The following NPC1 variants were observed in gnomAD, a reference collection of about 807,000 sequenced individuals.
NPC1 encodes the protein Niemann-Pick C1 protein.
In NPC1, 85 loss-of-function variants were observed where a neutral mutation model predicts 140.4. The observed-to-expected ratio is 0.61, with a 90% CI of 0.51 to 0.72. The LOEUF (loss-of-function observed/expected upper bound fraction) is 0.72, where lower values mean the gene tolerates loss of function less well. Ranked by LOEUF, NPC1 falls within the 30% of genes least tolerant of loss-of-function variation. NPC1 has a pLI of 0.00. For missense variants in NPC1, 1,504 were observed against 1,623.8 expected (o/e 0.93, Z 1.27); for synonymous variants, 656 against 624.8 (o/e 1.05, Z -0.74).
chr18:23,530,486 A>G, downstream of NPC1: 2 of 1,614,106 alleles, frequency 1.2e-6, no homozygotes, highest in Middle Eastern at 3.3e-4. Context: ...TGGCCATGAC[A>G]ACATTTCTGC....
intron 10 of NPC1, among the ~76,000 whole-genome samples, chr18:23,550,475 A>ATTTATTTTTTTTTTTT (rs1491268509): frequency 1.9e-5 from 1 of 53,502 alleles, no homozygotes; most frequent in East Asian, 1.0e-3. Flanking sequence ...CAGTTCTTAC[A>ATTTATTTTTTTTTTTT]TTTCTTTTTT....
chr18:23,555,201 C>G (rs1305654030), intron 8 of NPC1, among the ~76,000 whole-genome samples: 2 of 152,206 alleles, frequency 1.3e-5, no homozygotes, highest in Non-Finnish European at 2.9e-5. Context: ...TCCACAGAGG[C>G]GGCGAGGGGT....
rs766131698 is a variant in NPC1 at position 23,543,439 on chromosome 18, T to C, written c.2245+16A>G. The C allele has an allele frequency of 2.8e-6, 4 of 1,445,190 alleles. No individual in the cohort carries two copies. The Admixed American group carries it at 6.7e-5, about 24-fold the overall frequency. 89.5% of individuals were successfully genotyped at this position (1,445,190 alleles called of 1,614,324 possible). ...TCAGCAGACTACAGGACTGGTAGGATTGAAAGCATAATTACCTAAGAAAAA... is the reference window on the plus strand; with the variant it reads ...TCAGCAGACTACAGGACTGGTAGGACTGAAAGCATAATTACCTAAGAAAAA... On this transcript the variant is annotated intron_variant, in intron 14 of 24. Transcript: ENST00000269228.
intron 9 of NPC1, among the ~76,000 whole-genome samples, chr18:23,553,365 G>A (rs150748791): frequency 1.3e-5 from 2 of 152,286 alleles, no homozygotes; most frequent in African/African-American, 2.4e-5. Flanking sequence ...CTACCCTGTG[G>A]AGAATGCCGG....
chr18:23,579,567 G>A (rs1168134398), intron 1 of NPC1, among the ~76,000 whole-genome samples: 30 of 152,182 alleles, frequency 2.0e-4, no homozygotes, highest in Admixed American at 1.8e-3. Context: ...TTCTTTCAAC[G>A]ATAGGAACAG....
chr18:23,554,039 C>T (rs1208949541), intron 9 of NPC1, among the ~76,000 whole-genome samples: 2 of 152,120 alleles, frequency 1.3e-5, no homozygotes, highest in African/African-American at 4.8e-5. Flanking sequence ...GTTAGCGACC[C>T]AGGCACGAGG....
intron 4 of NPC1, among the ~76,000 whole-genome samples, chr18:23,565,415 G>A (rs1415016620): frequency 1.3e-5 from 2 of 152,134 alleles, no homozygotes; most frequent in Non-Finnish European, 2.9e-5. Context: ...GGAGTGCAGT[G>A]GCACAATTTC....
intron 10 of NPC1, among the ~76,000 whole-genome samples, chr18:23,550,484 T>C (rs1321101938): frequency 2.0e-5 from 2 of 100,890 alleles, no homozygotes; most frequent in Non-Finnish European, 3.8e-5. Flanking sequence ...CATTTCTTTT[T>C]TTTTTTTTTT....
chr18:23,548,616 A>C (rs1192270171), intron 10 of NPC1, among the ~76,000 whole-genome samples: 1 of 152,200 alleles, frequency 6.6e-6, no homozygotes, highest in African/African-American at 2.4e-5. Flanking sequence ...AGACTGCTCC[A>C]TAAAGAGTTT....
chr18:23,539,831 G>C lies in NPC1; in HGVS notation c.2775C>G (p.Asn925Lys), dbSNP rs147419225. The change falls in exon 18 of 25, where the codon AAC (asparagine) becomes AAG (lysine). Residue 925 changes from asparagine to lysine, a missense_variant. Coordinates refer to ENST00000269228, the MANE Select transcript of NPC1 (RefSeq NM_000271.5). Reference protein sequence around the residue: ...NNDSLVQQIFNAAQLDNYTRI... With the variant: ...NNDSLVQQIFKAAQLDNYTRI... The stretch of plus-strand genomic sequence containing the variant: ...CTGACTAGTTGTCCAGCTGCGCCGC[G>C]TTAAATATCTGCTGCACCAGGGAAT... 1 of 1,614,156 alleles carries C rather than the reference G, an allele frequency of 6.2e-7. No individual in the cohort carries two copies. Among genetic ancestry groups the C allele is most frequent in the Non-Finnish European group, 8.5e-7 (1 of 1,180,032 alleles).
At chr18:23,571,231 TTAAAAAAAAAAAAAAACTGGC>T (rs796450444) in intron 3 of NPC1, among the ~76,000 whole-genome samples, 1,391 of 71,156 alleles carry the variant, frequency 0.02, 26 homozygotes, top group African/African-American at 0.12. Context: ...AAAACTGACT[TTAAAAAAAAAAAAAAACTGGC>T]TGGGAACTGT....
chr18:23,586,479 C>T lies in NPC1; in HGVS notation c.-136G>A, dbSNP rs1229768330. 1 of 1,432,662 alleles carries T rather than the reference C, an allele frequency of 7.0e-7. No individual in the cohort carries two copies. The highest frequency in any genetic ancestry group is 9.1e-7 in the Non-Finnish European group (1 of 1,101,268). The allele number at this position is 1,432,662 out of a possible 1,614,324, so 88.7% of individuals were successfully genotyped here. On this transcript the variant is annotated 5_prime_UTR_variant, in exon 1 of 25. Transcript: ENST00000269228. ...GAGCAGGAGCAGGCGCTGACCGCGG[C>T]AGCAGGCTGCGCGCGCCGGTCAGGA...
At chr18:23,550,135 C>G (rs985170059) in intron 10 of NPC1, among the ~76,000 whole-genome samples, 2 of 151,982 alleles carry the variant, frequency 1.3e-5, no homozygotes, top group African/African-American at 4.8e-5. Context: ...CCTCAGCCTC[C>G]CGAGTAGCTG....
intron 11 of NPC1, among the ~76,000 whole-genome samples, chr18:23,546,333 T>C (rs1337533616): frequency 6.8e-6 from 1 of 146,558 alleles, no homozygotes; most frequent in Non-Finnish European, 1.5e-5. Context: ...TTCACACCCA[T>C]GAAGATAGCT....
chr18:23,580,389 C>T (rs1199070108), intron 1 of NPC1, among the ~76,000 whole-genome samples: 1 of 152,196 alleles, frequency 6.6e-6, no homozygotes, highest in African/African-American at 2.4e-5. Flanking sequence ...GATGAACTGT[C>T]CCATCCATGA....
At chr18:23,538,479 C>T in intron 20 of NPC1, 63 bp downstream of exon 20, 2 of 1,600,738 alleles carry the variant, frequency 1.2e-6, no homozygotes, top group Non-Finnish European at 1.7e-6. Context: ...CAGTCCTCTC[C>T]TAGTTTTCTA....
chr18:23,576,066 A>G (rs2059272947), intron 1 of NPC1, among the ~76,000 whole-genome samples: 1 of 152,062 alleles, frequency 6.6e-6, no homozygotes, highest in South Asian at 2.1e-4. Context: ...TCTACTGAAA[A>G]TACAAAATTA....
chr18:23,582,195 T>A (rs1166259759), intron 1 of NPC1: 3 of 152,306 alleles, frequency 2.0e-5, no homozygotes, highest in African/African-American at 7.2e-5. Context: ...CAATTCATGT[T>A]TATGAAATTA....
chr18:23,572,936 T>C (rs1002107866), intron 2 of NPC1, among the ~76,000 whole-genome samples: 1 of 152,230 alleles, frequency 6.6e-6, no homozygotes, highest in African/African-American at 2.4e-5. Context: ...AACCAGGCTT[T>C]TCACATGATT....
Sources: gnomAD v4.1 joint callset for allele counts (sites outside exome capture counted in the v4.1 genomes callset) on GRCh38, gnomAD v4.1.1 for gene constraint, MANE v1.5 for transcripts, NCBI Gene and HGNC (gene_info 2026-07-23, HGNC 2026-07-21) for gene names.